Variants in DNAJC6 observed in about 807,000 individuals in gnomAD.
DNAJC6 encodes the protein auxilin.
In DNAJC6, 34 loss-of-function variants were observed where a neutral mutation model predicts 110.0. The ratio of observed to expected loss-of-function variants is 0.31; its 90% CI spans 0.24 to 0.41. DNAJC6 has a LOEUF of 0.41. DNAJC6 is among the 10% of genes least tolerant of loss of function. The probability of loss-of-function intolerance (pLI) is 1.00; values close to 1 mark genes in which losing one functional copy is unlikely to be tolerated. For missense variants in DNAJC6, 1,031 were observed against 1,207.8 expected (o/e 0.85, Z 2.17); for synonymous variants, 406 against 437.2 (o/e 0.93, Z 0.89).
At chr1:65,325,945 A>G (rs1367794130) in intron 1 of DNAJC6, among the ~76,000 whole-genome samples, 1 of 152,250 alleles carries the variant, frequency 6.6e-6, no homozygotes, top group Non-Finnish European at 1.5e-5. Context: ...AAGGTAATGC[A>G]CTGCACTAAG....
chr1:65,279,843 T>C (rs1047809085), intron 1 of DNAJC6: 10 of 152,226 alleles, frequency 6.6e-5, no homozygotes, highest in African/African-American at 2.2e-4. Context: ...TCCCGTATTT[T>C]TAATTATTAG....
intron 4 of DNAJC6, among the ~76,000 whole-genome samples, chr1:65,377,529 A>G (rs1645777885): frequency 6.6e-6 from 1 of 152,234 alleles, no homozygotes; most frequent in South Asian, 2.1e-4. Flanking sequence ...TATGCCAAAC[A>G]TTTCAAATAC....
upstream of DNAJC6, among the ~76,000 whole-genome samples, chr1:65,307,669 G>C (rs975678032): frequency 2.6e-5 from 4 of 152,004 alleles, no homozygotes; most frequent in Admixed American, 1.3e-4. Flanking sequence ...TGTCTGTAAT[G>C]AATTAAAAGA....
chr1:65,309,913 C>A lies in DNAJC6; in HGVS notation c.168C>A (p.Asp56Glu). The A allele has an allele frequency of 6.5e-7, 1 of 1,534,668 alleles. No homozygotes were observed. Among genetic ancestry groups the A allele is most frequent in the South Asian group, 1.2e-5 (1 of 82,210 alleles). Residue 56 changes from aspartate (D) to glutamate (E), a missense_variant, in exon 1 of 19, where the codon GAC becomes GAA. By Grantham distance (45) the Asp-to-Glu change is conservative. Coordinates refer to ENST00000371069, the MANE Select transcript of DNAJC6 (RefSeq NM_001256864.2). The stretch of plus-strand genomic sequence containing the variant: ...GGAGTCCCGCCCGACAGCCTCCGGA[C>A]CGCGCCAGCACCATGGACAGCTCAG... The part of the protein sequence containing the change: ...AARSPARQPP[D>E]RASTMDSSGA...
In DNAJC6 at chr1:65,292,527, C is replaced by T. The variant is rs551347764; in HGVS notation, c.-131+27595C>T. ...CTCATTACAGCTTCGACTTCCTGGGCTCAAGCAATCCTCCTGCCTCAGTTT... is the reference window on the plus strand; with the variant it reads ...CTCATTACAGCTTCGACTTCCTGGGTTCAAGCAATCCTCCTGCCTCAGTTT... On this transcript the variant is annotated intron_variant, in intron 1 of 19. Transcript: ENST00000263441. Among the ~76,000 whole-genome samples, 4 of 151,890 alleles carry T rather than the reference C, an allele frequency of 2.6e-5. No homozygotes were observed. The East Asian group carries it at 7.8e-4, about 30-fold the overall frequency.
chr1:65,414,173 T>C lies in DNAJC6; in HGVS notation c.*1148T>C, dbSNP rs1189039034. On this transcript the variant is annotated 3_prime_UTR_variant, in exon 19 of 19. Coordinates refer to ENST00000371069, the MANE Select transcript of DNAJC6 (RefSeq NM_001256864.2). ...TAAATTATTACAGTGGGCTTTTTTG[T>C]TTTAAAAGTGGTTGGGGATCCACAG... is the stretch of plus-strand genomic sequence containing the variant. 1.3e-5 allele frequency: 2 copies of C among 152,198 alleles called. No individual in the cohort carries two copies. Among genetic ancestry groups the C allele is most frequent in the African/African-American group, 4.8e-5 (2 of 41,446 alleles). The allele number at this position is 152,198 out of a possible 1,614,324, so 9.4% of individuals were successfully genotyped here. A position where few individuals can be genotyped will look rare whatever the true frequency, so the allele number is the denominator to read the frequency against.
chr1:65,393,831 G>A (rs746189180), intron 12 of DNAJC6, among the ~76,000 whole-genome samples: 4 of 151,964 alleles, frequency 2.6e-5, no homozygotes, highest in Admixed American at 6.6e-5. Flanking sequence ...TTCCCCAAGC[G>A]TATCCTTCCC....
intron 1 of DNAJC6, among the ~76,000 whole-genome samples, chr1:65,333,320 G>A (rs886158851): frequency 2.6e-5 from 4 of 152,102 alleles, no homozygotes; most frequent in Non-Finnish European, 4.4e-5. Context: ...GTGGAGAACC[G>A]AAGTACTGAG....
At chr1:65,354,170 A>G (rs1053957012) in intron 1 of DNAJC6, among the ~76,000 whole-genome samples, 7 of 152,200 alleles carry the variant, frequency 4.6e-5, no homozygotes, top group African/African-American at 1.7e-4. Flanking sequence ...TTATAATGCA[A>G]GCTGACTGCT....
intron 1 of DNAJC6, among the ~76,000 whole-genome samples, chr1:65,351,797 C>T (rs1462535513): frequency 6.6e-6 from 1 of 152,098 alleles, no homozygotes; most frequent in Non-Finnish European, 1.5e-5. Flanking sequence ...TGGAGTTTCG[C>T]TCTTGTTGCC....
intron 1 of DNAJC6, among the ~76,000 whole-genome samples, chr1:65,351,662 G>A (rs746770152): frequency 6.6e-6 from 1 of 152,158 alleles, no homozygotes; most frequent in Non-Finnish European, 1.5e-5. Context: ...ACCATCTTGT[G>A]TATAGACAAT....
intron 4 of DNAJC6, among the ~76,000 whole-genome samples, chr1:65,374,826 A>G (rs919532309): frequency 6.6e-6 from 1 of 152,116 alleles, no homozygotes; most frequent in Non-Finnish European, 1.5e-5. Context: ...GTTGAATAAT[A>G]GTGGCGAAAG....
Position 65,379,540 on chromosome 1 carries a change from T to C in DNAJC6, c.666+16T>C. The C allele has an allele frequency of 6.2e-7, 1 of 1,613,588 alleles. No homozygotes were observed. The highest frequency in any genetic ancestry group is 1.3e-5 in the African/African-American group (1 of 75,018). ...CCACTGCTTGGTGAGTAACCTTTTG[T>C]TGTTGGTGGTGATGGTTTGGTTTGG... On this transcript the variant is annotated intron_variant, in intron 5 of 18. Coordinates refer to ENST00000371069, the MANE Select transcript of DNAJC6 (RefSeq NM_001256864.2).
chr1:65,406,373 C>T (rs1646076936), intron 16 of DNAJC6, among the ~76,000 whole-genome samples: 1 of 152,182 alleles, frequency 6.6e-6, no homozygotes, highest in Non-Finnish European at 1.5e-5. Flanking sequence ...GCTCACTTGG[C>T]TGTTTATCTC....
intron 15 of DNAJC6, 149 bp from the exon 16 acceptor site, chr1:65,405,721 C>A: frequency 1.2e-6 from 1 of 858,980 alleles, no homozygotes; most frequent in Non-Finnish European, 1.7e-6. Context: ...AATATGTATG[C>A]CTGCAATTGC....
At chr1:65,366,233 A>G in intron 4 of DNAJC6, 37 bp downstream of exon 4, 1 of 1,607,684 alleles carries the variant, frequency 6.2e-7, no homozygotes. Flanking sequence ...ACTGTTGAAG[A>G]CGTGATGGTG....
Position 65,401,855 on chromosome 1 carries a change from T to G in DNAJC6, c.2202T>G (p.Asp734Glu). The change falls in exon 15 of 19, where the codon GAT becomes GAG. Residue 734 changes from aspartate (D) to glutamate (E), a missense_variant. By Grantham distance (45) the Asp-to-Glu change is conservative (BLOSUM62 2). Transcript: ENST00000371069. ...PTHQSKPQTL[D>E]PFADLGTLGS... ...ATCAAAGCAAACCCCAGACTCTGGA[T>G]CCTTTTGCCGACCTTGGGACACTAG... The G allele has an allele frequency of 6.2e-7, 1 of 1,613,778 alleles. No homozygotes were observed. Among genetic ancestry groups the G allele is most frequent in the Non-Finnish European group, 8.5e-7 (1 of 1,179,940 alleles).
At chr1:65,324,879 A>G (rs573796002) in intron 1 of DNAJC6, among the ~76,000 whole-genome samples, 7 of 152,322 alleles carry the variant, frequency 4.6e-5, no homozygotes, top group African/African-American at 1.4e-4. Context: ...CCTCACAACA[A>G]AGAACTTTCC....
chr1:65,376,722 G>C lies in DNAJC6; in HGVS notation c.544-2680G>C, dbSNP rs528498186. Reference sequence around the variant, plus strand: ...AGTTGTAAAGTTTTATTCCATTGTGGTCAGAGAAGATGCTTGGTATGATTT... The same window carrying C: ...AGTTGTAAAGTTTTATTCCATTGTGCTCAGAGAAGATGCTTGGTATGATTT... On this transcript the variant is annotated intron_variant, in intron 4 of 18. Coordinates refer to ENST00000371069, the MANE Select transcript of DNAJC6 (RefSeq NM_001256864.2). 4.6e-5 allele frequency among the ~76,000 whole-genome samples: 7 copies of C among 151,394 alleles called. No homozygotes were observed. In the South Asian group the frequency reaches 1.0e-3, roughly 23 times the overall value.
Sources: gnomAD v4.1 joint callset for allele counts (sites outside exome capture counted in the v4.1 genomes callset) on GRCh38, gnomAD v4.1.1 for gene constraint, MANE v1.5 for transcripts, NCBI Gene and HGNC (gene_info 2026-07-23, HGNC 2026-07-21) for gene names.